CCNG1: variants seen among roughly 807,000 people sequenced by gnomAD.
CCNG1 encodes cyclin-G1.
In CCNG1, 13 loss-of-function variants were observed where a neutral mutation model predicts 30.0. That is an observed-to-expected ratio of 0.43 (90% CI 0.28 to 0.69). CCNG1 has a LOEUF of 0.69. CCNG1 is among the 30% of genes least tolerant of loss of function. The pLI, the probability that CCNG1 is intolerant of heterozygous loss-of-function variation, is 0.16. For synonymous variants in CCNG1, 110 were observed against 121.5 expected, an observed-to-expected ratio of 0.91 and a Z score of 0.62; for missense variants, 285 against 331.4, an observed-to-expected ratio of 0.86 and a Z score of 1.09.
In CCNG1 at chr5:163,443,973, G is replaced by C; in HGVS notation, c.*303G>C. 1 of 406,652 alleles carries C rather than the reference G, an allele frequency of 2.5e-6. No individual in the cohort carries two copies. Among genetic ancestry groups the C allele is most frequent in the Non-Finnish European group, 4.4e-6 (1 of 227,690 alleles). The allele number at this position is 406,652 out of a possible 1,614,324, so 25.2% of individuals were successfully genotyped here. A position where few individuals can be genotyped will look rare whatever the true frequency, so the allele number is the denominator to read the frequency against. On this transcript the variant is annotated 3_prime_UTR_variant, in exon 7 of 7. Transcript: ENST00000340828. ...TATCATTGATCTAACTTTAGATATTGGATCAATATATTTAGGTGGTATTGA... is the reference window on the plus strand; with the variant it reads ...TATCATTGATCTAACTTTAGATATTCGATCAATATATTTAGGTGGTATTGA...
chr5:163,447,203 A>G (rs1758057896), downstream of CCNG1: 1 of 152,510 alleles, frequency 6.6e-6, no homozygotes, highest in East Asian at 1.9e-4. Context: ...TGTAATTCCA[A>G]TGCTTTGGGA....
At chr5:163,441,992 T>C (rs984445097) in intron 4 of CCNG1, 28 bp downstream of exon 4, 3 of 1,581,366 alleles carry the variant, frequency 1.9e-6, no homozygotes, top group Admixed American at 3.4e-5. Context: ...ATTATGCCTA[T>C]TGATATGATC....
the CCNG1 span, among the ~76,000 whole-genome samples, chr5:163,455,102 T>C: frequency 2.6e-5 from 4 of 152,142 alleles, no homozygotes; most frequent in African/African-American, 9.6e-5. Flanking sequence ...GGGCTGTAGT[T>C]TGCCAACCGC....
intron 1 of CCNG1, among the ~76,000 whole-genome samples, chr5:163,438,233 A>ACC (rs746678689): frequency 1.4e-5 from 2 of 147,252 alleles, no homozygotes; most frequent in Non-Finnish European, 3.0e-5. Flanking sequence ...AACCCACCGC[A>ACC]CCCCCCCGCC....
At chr5:163,439,610 T>TGC in intron 2 of CCNG1, 90 bp downstream of exon 2, 1 of 1,065,630 alleles carries the variant, frequency 9.4e-7, no homozygotes, top group East Asian at 2.6e-5. Context: ...AAACTTGACC[T>TGC]TTTTTTTTTC....
downstream of CCNG1, chr5:163,448,863 G>A (rs1758106968): frequency 6.6e-6 from 1 of 152,112 alleles, no homozygotes; most frequent in Admixed American, 6.6e-5. Context: ...CAAAAAGAAT[G>A]ACCAAACTGA....
At chr5:163,457,532 A>T in the CCNG1 span, 1 of 1,280,298 alleles carries the variant, frequency 7.8e-7, no homozygotes, top group Non-Finnish European at 1.1e-6. Flanking sequence ...AAATTATTTT[A>T]ATTTGATGAA....
rs1455786232 is a variant in CCNG1, at chr5:163,440,186, C to G, written c.264+666C>G. Among the ~76,000 whole-genome samples, 10 of 152,188 alleles carry G rather than the reference C, an allele frequency of 6.6e-5. No individual in the cohort carries two copies. In the East Asian group the frequency reaches 1.4e-3, roughly 21 times the overall value. ...ATATTTTAGTCCTCGGTATCTAACACAGTGCATCATAAAAAAGGACTTCAA... is the reference window on the plus strand; with the variant it reads ...ATATTTTAGTCCTCGGTATCTAACAGAGTGCATCATAAAAAAGGACTTCAA... On this transcript the variant is annotated intron_variant, in intron 2 of 6. Transcript: ENST00000340828.
rs149275134 is a variant in CCNG1 at position 163,442,501 on chromosome 5, G to A, written c.824G>A (p.Arg275Gln). ...LKWIVSGRTA[R>Q]QLKHSYYRIT... is the part of the protein sequence containing the mutation. ...TGGATTGTTTCTGGGCGTACTGCAC[G>A]GCAATTGAAGCATAGCTACTACAGA... Residue 275 changes from arginine to glutamine, a missense_variant, in exon 6 of 7, where the codon CGG (arginine) becomes CAG (glutamine). Arg to Gln is a conservative substitution (Grantham distance 43). Coordinates refer to ENST00000340828, the MANE Select transcript of CCNG1 (RefSeq NM_004060.4). 3.1e-4 allele frequency: 504 copies of A among 1,613,846 alleles called. No individual in the cohort carries two copies. The highest frequency in any genetic ancestry group is 4.0e-4 in the Non-Finnish European group (476 of 1,179,852).
intron 6 of CCNG1, among the ~76,000 whole-genome samples, chr5:163,442,940 T>G (rs538099031): frequency 7.2e-5 from 11 of 152,286 alleles, no homozygotes; most frequent in African/African-American, 2.2e-4. Flanking sequence ...ACCAAAAGTC[T>G]GAACCAAGTA....
chr5:163,442,555 T>C lies in CCNG1; in HGVS notation c.878T>C (p.Met293Thr). Residue 293 changes from methionine (M) to threonine (T), a missense_variant, in exon 6 of 7, where the codon ATG (methionine) becomes ACG (threonine). Physicochemically the swap from Met to Thr is moderately conservative, Grantham distance 81 (BLOSUM62 -1). Coordinates refer to ENST00000340828, the MANE Select transcript of CCNG1 (RefSeq NM_004060.4). Reference protein sequence around the residue: ...RITHLPTIPEMVP With the variant: ...RITHLPTIPETVP ...ACTCACCTTCCAACAATTCCTGAAATGGTCCCTTAACTGGTAAATTTGGTC... is the reference window on the plus strand; with the variant it reads ...ACTCACCTTCCAACAATTCCTGAAACGGTCCCTTAACTGGTAAATTTGGTC... The C allele has an allele frequency of 6.2e-7, 1 of 1,608,688 alleles. No homozygotes were observed. The highest frequency in any genetic ancestry group is 8.5e-7 in the Non-Finnish European group (1 of 1,177,676).
At chr5:163,457,015 A>G in the CCNG1 span, 1 of 1,613,236 alleles carries the variant, frequency 6.2e-7, no homozygotes, top group East Asian at 2.2e-5. Context: ...TCTAGTAGAG[A>G]AGTCCAACAA....
At chr5:163,445,392 G>A (rs1173567350), downstream of CCNG1, among the ~76,000 whole-genome samples, 1 of 152,180 alleles carries the variant, frequency 6.6e-6, no homozygotes, top group East Asian at 1.9e-4. Context: ...TAGTACTAAA[G>A]TTAGATGCAT....
At chr5:163,446,200 T>A (rs1581173518), downstream of CCNG1, 1 of 152,344 alleles carries the variant, frequency 6.6e-6, no homozygotes, top group South Asian at 2.1e-4. Context: ...TAGTATTTTT[T>A]AAAAAGTATC....
At chr5:163,449,622 A>G (rs1000057593), downstream of CCNG1, 3 of 152,222 alleles carry the variant, frequency 2.0e-5, no homozygotes, top group Admixed American at 6.5e-5. Context: ...ATTTTGAAAA[A>G]GATTTCAAAA....
chr5:163,448,506 T>G (rs1758100183), downstream of CCNG1: 1 of 152,144 alleles, frequency 6.6e-6, no homozygotes, highest in African/African-American at 2.4e-5. Flanking sequence ...AATTCTCTAT[T>G]TTTAAAAATT....
chr5:163,454,140 A>G, the CCNG1 span: 1 of 571,876 alleles, frequency 1.7e-6, no homozygotes, highest in East Asian at 3.2e-5. Flanking sequence ...GGATATATAA[A>G]TGACCAATAA....
At chr5:163,448,577 T>A (rs1758101427), downstream of CCNG1, 1 of 152,198 alleles carries the variant, frequency 6.6e-6, no homozygotes. Context: ...TAACAAATTC[T>A]ACAAATCTCT....
At chr5:163,446,375 A>G (rs1758037982), downstream of CCNG1, among the ~76,000 whole-genome samples, 1 of 152,148 alleles carries the variant, frequency 6.6e-6, no homozygotes, top group African/African-American at 2.4e-5. Context: ...CAAATGAAAG[A>G]GAGACAGAGA....
Sources: gnomAD v4.1 joint callset for allele counts (sites outside exome capture counted in the v4.1 genomes callset) on GRCh38, gnomAD v4.1.1 for gene constraint, MANE v1.5 for transcripts, NCBI Gene and HGNC (gene_info 2026-07-23, HGNC 2026-07-21) for gene names.